Variants in SNTG1 observed in about 807,000 individuals in gnomAD.
The protein encoded by SNTG1 is syntrophin gamma 1, also known as gamma-1-syntrophin.
In SNTG1, 39 loss-of-function variants were observed where a neutral mutation model predicts 74.7. That is an observed-to-expected ratio of 0.52 (90% CI 0.40 to 0.68). SNTG1 has a LOEUF of 0.68. SNTG1 is among the 30% of genes least tolerant of loss of function. SNTG1 has a pLI of 0.00. For missense variants in SNTG1, 685 were observed against 609.5 expected (o/e 1.12, Z -1.30); for synonymous variants, 254 against 217.1 (o/e 1.17, Z -1.49).
chr8:50,658,499 T>C, intron 14 of SNTG1, 93 bp from the exon 15 acceptor site: 1 of 852,020 alleles, frequency 1.2e-6, no homozygotes, highest in Admixed American at 2.7e-5. Flanking sequence ...TCTGTGAAAG[T>C]TTTTTCTTAT....
chr8:50,185,758 A>G, intron 2 of SNTG1, among the ~76,000 whole-genome samples: 1 of 151,926 alleles, frequency 6.6e-6, no homozygotes, highest in African/African-American at 2.4e-5. Context: ...ATTAATGTAC[A>G]TTTCTATGAA....
At chr8:50,534,487 A>G (rs541611969) in intron 10 of SNTG1, among the ~76,000 whole-genome samples, 36 of 152,092 alleles carry the variant, frequency 2.4e-4, no homozygotes, top group Non-Finnish European at 5.0e-4. Flanking sequence ...GTAATAATAA[A>G]ATACTTCTTT....
intron 16 of SNTG1, among the ~76,000 whole-genome samples, chr8:50,706,225 A>G (rs1469957908): frequency 6.6e-6 from 1 of 152,162 alleles, no homozygotes; most frequent in Non-Finnish European, 1.5e-5. Flanking sequence ...TTAAATAGCC[A>G]AAAAATAGTT....
chr8:50,737,406 G>C (rs888713675), intron 17 of SNTG1, among the ~76,000 whole-genome samples: 4 of 152,024 alleles, frequency 2.6e-5, no homozygotes, highest in Non-Finnish European at 4.4e-5. Context: ...CTGAAATTGA[G>C]GTAGTAATTA....
At chr8:50,661,073 T>C (rs1383112350) in intron 15 of SNTG1, among the ~76,000 whole-genome samples, 1 of 152,226 alleles carries the variant, frequency 6.6e-6, no homozygotes, top group African/African-American at 2.4e-5. Flanking sequence ...ATTATTTGAA[T>C]GGTTTAATAG....
chr8:50,050,033 T>C (rs1304169026), intron 1 of SNTG1, among the ~76,000 whole-genome samples: 1 of 151,582 alleles, frequency 6.6e-6, no homozygotes, highest in Non-Finnish European at 1.5e-5. Flanking sequence ...ATCTAATCTT[T>C]CACCTTAGGA....
chr8:50,778,062 A>G (rs999933120), intron 18 of SNTG1, among the ~76,000 whole-genome samples: 12 of 152,302 alleles, frequency 7.9e-5, no homozygotes, highest in Non-Finnish European at 1.3e-4. Flanking sequence ...ATAGTATTCC[A>G]TGGTGTATAT....
At chr8:50,450,945 G>T (rs2093451303) in intron 8 of SNTG1, among the ~76,000 whole-genome samples, 1 of 152,100 alleles carries the variant, frequency 6.6e-6, no homozygotes, top group African/African-American at 2.4e-5. Context: ...CTTACTTAAA[G>T]ATGGTCATTT....
chr8:50,032,985 A>T (rs1817857454), intron 1 of SNTG1, among the ~76,000 whole-genome samples: 1 of 151,986 alleles, frequency 6.6e-6, no homozygotes, highest in African/African-American at 2.4e-5. Flanking sequence ...TAGACATTTT[A>T]TTGGACCTCA....
intron 1 of SNTG1, among the ~76,000 whole-genome samples, chr8:50,003,210 G>A (rs999929831): frequency 1.1e-4 from 17 of 152,128 alleles, no homozygotes; most frequent in Admixed American, 3.3e-4. Context: ...AAAAACCACT[G>A]AGTTGTACAC....
intron 2 of SNTG1, among the ~76,000 whole-genome samples, chr8:50,280,361 C>T (rs1490067843): frequency 1.3e-5 from 2 of 152,184 alleles, no homozygotes; most frequent in East Asian, 1.9e-4. Context: ...GGGCTTAAAA[C>T]ATCTTTTGCA....
chr8:50,547,689 G>A (rs912253337), intron 11 of SNTG1, among the ~76,000 whole-genome samples: 4 of 152,024 alleles, frequency 2.6e-5, no homozygotes, highest in Non-Finnish European at 5.9e-5. Context: ...AAAATAAAAA[G>A]AAATAACCCT....
At chr8:50,741,851 A>G (rs1167829562) in intron 17 of SNTG1, among the ~76,000 whole-genome samples, 2 of 152,062 alleles carry the variant, frequency 1.3e-5, no homozygotes, top group Admixed American at 6.6e-5. Context: ...AGTGGTTACC[A>G]GTGATTGTGG....
intron 1 of SNTG1, among the ~76,000 whole-genome samples, chr8:50,058,528 T>C (rs757210632): frequency 3.0e-4 from 46 of 152,242 alleles, no homozygotes; most frequent in Non-Finnish European, 4.7e-4. Flanking sequence ...TGTCCAACTT[T>C]CCACAACTAT....
At chr8:50,483,398 G>A (rs996691293) in intron 8 of SNTG1, among the ~76,000 whole-genome samples, 3 of 151,136 alleles carry the variant, frequency 2.0e-5, no homozygotes, top group South Asian at 4.2e-4. Context: ...ATACACATCC[G>A]TTTTTAAGTG....
intron 13 of SNTG1, among the ~76,000 whole-genome samples, chr8:50,642,354 T>A (rs1163354809): frequency 6.6e-6 from 1 of 152,124 alleles, no homozygotes; most frequent in East Asian, 1.9e-4. Flanking sequence ...AGGCAAGCAA[T>A]CCAGTCAAAA....
At chr8:50,450,849 A>C (rs2093450021) in intron 8 of SNTG1, 120 bp downstream of exon 8, 3 of 981,268 alleles carry the variant, frequency 3.1e-6, no homozygotes, top group Non-Finnish European at 1.5e-6. Flanking sequence ...GTTTGATATC[A>C]AATTTTCAAA....
chr8:50,222,915 C>A (rs1396950434), intron 2 of SNTG1, among the ~76,000 whole-genome samples: 1 of 151,940 alleles, frequency 6.6e-6, no homozygotes, highest in Non-Finnish European at 1.5e-5. Context: ...ACTCTTCAAC[C>A]CACAATAAAA....
intron 11 of SNTG1, among the ~76,000 whole-genome samples, chr8:50,548,127 A>G (rs966526724): frequency 1.3e-5 from 2 of 152,210 alleles, no homozygotes; most frequent in African/African-American, 4.8e-5. Context: ...TACTTTTGCC[A>G]GGGAATCCTG....
Sources: allele counts gnomAD v4.1 joint callset (sites outside exome capture counted in the v4.1 genomes callset), GRCh38; gene constraint gnomAD v4.1.1; transcripts MANE v1.5; gene names NCBI Gene and HGNC (gene_info 2026-07-23, HGNC 2026-07-21).